Variants in DNMBP observed in about 807,000 individuals in gnomAD.
DNMBP encodes dynamin binding protein, also known as dynamin-binding protein.
Under a neutral mutation model 150.0 loss-of-function variants are expected in DNMBP, and 87 were observed. The observed-to-expected ratio is 0.58, with a 90% confidence interval of 0.49 to 0.69. The LOEUF (loss-of-function observed/expected upper bound fraction) is 0.69, where lower values mean the gene tolerates loss of function less well. Among genes scored for constraint, DNMBP ranks in the 30% least tolerant of loss-of-function variants. DNMBP has a pLI of 0.00. For synonymous variants in DNMBP, 711 were observed against 750.4 expected, an observed-to-expected ratio of 0.95 and a Z score of 0.86; for missense variants, 1,774 against 1,949.0, an observed-to-expected ratio of 0.91 and a Z score of 1.69.
At chr10:99,981,585 CA>C (rs1274274552) in intron 1 of DNMBP, among the ~76,000 whole-genome samples, 1 of 152,196 alleles carries the variant, frequency 6.6e-6, no homozygotes, top group Non-Finnish European at 1.5e-5. Flanking sequence ...ACACCGATAT[CA>C]AACAGTTTAA....
rs767325602 is a variant in DNMBP at position 99,955,884 on chromosome 10, T to C, written c.1590A>G (p.Gln530=). The change falls in exon 4 of 17, where the codon CAA becomes CAG. Residue 530 remains glutamine, a synonymous_variant. Transcript: ENST00000324109. ...RLEMKPGPQA[Q]GLVMEAATHS... is the part of the protein sequence containing the mutation. ...GTGTTGCTGCTTCCATAACAAGCCC[T>C]TGGGCTTGCGGACCAGGCTTCATCT... 13 of 1,614,186 alleles carry C rather than the reference T, an allele frequency of 8.1e-6. No homozygotes were observed. In the East Asian group the frequency reaches 1.6e-4, roughly 19 times the overall value.
chr10:99,994,437 G>A (rs996009372), intron 1 of DNMBP, among the ~76,000 whole-genome samples: 1 of 152,130 alleles, frequency 6.6e-6, no homozygotes, highest in Non-Finnish European at 1.5e-5. Context: ...AGGCGGAGGG[G>A]AACATAAATA....
At chr10:99,908,183 GA>G in intron 5 of DNMBP, 89 bp from the exon 6 acceptor site, 3 of 953,914 alleles carry the variant, frequency 3.1e-6, no homozygotes, top group Non-Finnish European at 1.6e-6. Flanking sequence ...AAGAATTGTA[GA>G]AAAATTGCTC....
At chr10:100,009,759 C>T (rs1427656044) in intron 1 of DNMBP, 79 bp downstream of exon 1, 1 of 150,110 alleles carries the variant, frequency 6.7e-6, no homozygotes, top group Non-Finnish European at 1.5e-5. Context: ...GTGCGGGTCC[C>T]CTCCGCCCGC....
At position 99,879,101 on chromosome 10, in the gene DNMBP, A is replaced by AAAAAAAAAAAAAAAAAAAAAAAAC. The variant is rs1554857510; in HGVS notation, c.4548+709_4548+710insGTTTTTTTTTTTTTTTTTTTTTTT. On this transcript the variant is annotated intron_variant, in intron 16 of 16. Coordinates refer to ENST00000324109, the MANE Select transcript of DNMBP (RefSeq NM_015221.4). ...CTCTGTCTCAAAAAAAAAAAAAAAA[A>AAAAAAAAAAAAAAAAAAAAAAAAC]CCCAAAACGTTTGAGATACAAAGCC... 8.8e-4 allele frequency among the ~76,000 whole-genome samples: 119 copies of AAAAAAAAAAAAAAAAAAAAAAAAC among 135,092 alleles called. 6 individuals are homozygous for AAAAAAAAAAAAAAAAAAAAAAAAC. The highest frequency in any genetic ancestry group is 1.6e-3 in the South Asian group (7 of 4,516). 88.6% of individuals were successfully genotyped at this position (135,092 alleles called of 152,430 possible). A position where few individuals can be genotyped will look rare whatever the true frequency, so the allele number is the denominator to read the frequency against.
intron 12 of DNMBP, 59 bp from the exon 13 acceptor site, chr10:99,886,691 C>T: frequency 1.1e-5 from 17 of 1,514,556 alleles, no homozygotes; most frequent in Non-Finnish European, 1.4e-5. Flanking sequence ...TTGTGATTAT[C>T]CAAGTCACTC....
intron 4 of DNMBP, among the ~76,000 whole-genome samples, chr10:99,924,043 A>G (rs921241417): frequency 1.3e-5 from 2 of 152,114 alleles, no homozygotes; most frequent in Non-Finnish European, 2.9e-5. Flanking sequence ...AATCCCAGCT[A>G]CTCGGGAGGC....
chr10:99,952,041 C>T (rs779113435), intron 4 of DNMBP, among the ~76,000 whole-genome samples: 19 of 152,086 alleles, frequency 1.2e-4, no homozygotes, highest in Non-Finnish European at 2.2e-4. Context: ...CTGTGCTGCT[C>T]TCGTGAGAGT....
At chr10:99,964,602 G>T (rs1378825170) in intron 3 of DNMBP, among the ~76,000 whole-genome samples, 1 of 151,498 alleles carries the variant, frequency 6.6e-6, no homozygotes, top group African/African-American at 2.4e-5. Flanking sequence ...CAGGCGTGGT[G>T]GCTCATGCCT....
At chr10:99,977,531 C>T (rs967245829) in intron 1 of DNMBP, among the ~76,000 whole-genome samples, 4 of 152,154 alleles carry the variant, frequency 2.6e-5, no homozygotes, top group African/African-American at 7.2e-5. Flanking sequence ...CATCTTCTTC[C>T]CTTGCTGGTG....
At chr10:100,003,141 T>C (rs916387056) in intron 1 of DNMBP, among the ~76,000 whole-genome samples, 1 of 152,064 alleles carries the variant, frequency 6.6e-6, no homozygotes, top group Non-Finnish European at 1.5e-5. Context: ...CAAGGTCACA[T>C]TGAGACCATC....
At chr10:100,002,070 T>C (rs561577969) in intron 1 of DNMBP, among the ~76,000 whole-genome samples, 79 of 152,132 alleles carry the variant, frequency 5.2e-4, no homozygotes, top group African/African-American at 1.9e-3. Flanking sequence ...CAAAGCAAAA[T>C]GAACATGAGT....
intron 6 of DNMBP, among the ~76,000 whole-genome samples, chr10:99,903,059 C>A (rs377104794): frequency 1.3e-5 from 2 of 151,470 alleles, no homozygotes; most frequent in South Asian, 2.1e-4. Flanking sequence ...CTCAGCCTCT[C>A]AAGAACCTGG....
At chr10:99,941,531 C>T (rs1039533504) in intron 4 of DNMBP, among the ~76,000 whole-genome samples, 15 of 151,842 alleles carry the variant, frequency 9.9e-5, no homozygotes, top group African/African-American at 2.2e-4. Flanking sequence ...TGCAATGGCA[C>T]GATCTCGGCT....
At chr10:99,964,906 T>A (rs1464143681) in intron 3 of DNMBP, among the ~76,000 whole-genome samples, 1 of 149,994 alleles carries the variant, frequency 6.7e-6, no homozygotes, top group Non-Finnish European at 1.5e-5. Flanking sequence ...ATATATATAT[T>A]TTAACTCAAA....
intron 11 of DNMBP, among the ~76,000 whole-genome samples, chr10:99,890,774 G>A (rs1212976483): frequency 1.3e-5 from 2 of 152,190 alleles, no homozygotes; most frequent in Non-Finnish European, 2.9e-5. Context: ...AGCCTCCTGA[G>A]TAGCTGGGAT....
chr10:99,998,662 G>A (rs1458142723), intron 1 of DNMBP, among the ~76,000 whole-genome samples: 2 of 151,630 alleles, frequency 1.3e-5, no homozygotes, highest in Non-Finnish European at 2.9e-5. Flanking sequence ...CAAATCAATT[G>A]TTTAAGGAAA....
In DNMBP at chr10:100,005,774, AAAAAAAAAAACC is replaced by A. The variant is rs1182677606; in HGVS notation, c.-11+4052_-11+4063del. Among the ~76,000 whole-genome samples, 32 of 127,376 alleles carry A rather than the reference AAAAAAAAAAACC, an allele frequency of 2.5e-4. 3 individuals carry two copies. Among genetic ancestry groups the A allele is most frequent in the Admixed American group, 2.0e-3 (25 of 12,612 alleles). The allele number at this position is 127,376 out of a possible 152,430, so 83.6% of individuals were successfully genotyped here. On this transcript the variant is annotated intron_variant, in intron 1 of 16. Coordinates refer to ENST00000324109, the MANE Select transcript of DNMBP (RefSeq NM_015221.4). ...TGTCTCAAAAGTCTCCAAAAAAAAA[AAAAAAAAAAACC>A]AAACTACATAAAGGAAAATGAATTA...
intron 14 of DNMBP, 135 bp downstream of exon 14, chr10:99,885,552 T>G: frequency 1.2e-6 from 1 of 839,766 alleles, no homozygotes; most frequent in African/African-American, 1.7e-5. Flanking sequence ...CCATGATGGG[T>G]GAGAATGCAA....
Sources: allele counts gnomAD v4.1 joint callset (sites outside exome capture counted in the v4.1 genomes callset), GRCh38; gene constraint gnomAD v4.1.1; transcripts MANE v1.5; gene names NCBI Gene and HGNC (gene_info 2026-07-23, HGNC 2026-07-21).